SAMMSON: variants seen among roughly 807,000 people sequenced by gnomAD.
The protein encoded by SAMMSON is long intergenic non-protein coding RNA 1212.
chr3:70,306,190 G>A (rs1247040019), intron 7 of SAMMSON, among the ~76,000 whole-genome samples: 2 of 152,022 alleles, frequency 1.3e-5, no homozygotes, highest in Non-Finnish European at 2.9e-5. Context: ...TGCAACCTCC[G>A]CCTCCTAGTT....
At chr3:70,155,554 C>T (rs1379931559) in intron 4 of SAMMSON, among the ~76,000 whole-genome samples, 1 of 151,978 alleles carries the variant, frequency 6.6e-6, no homozygotes, top group Non-Finnish European at 1.5e-5. Context: ...AAGAATTTAA[C>T]AGCATGGTGT....
intron 4 of SAMMSON, among the ~76,000 whole-genome samples, chr3:70,153,714 A>T: frequency 6.6e-6 from 1 of 152,014 alleles, no homozygotes; most frequent in East Asian, 1.9e-4. Flanking sequence ...AAATATCATA[A>T]TATAAAGCAT....
chr3:70,154,065 T>C (rs1034592623), intron 4 of SAMMSON, among the ~76,000 whole-genome samples: 6 of 152,016 alleles, frequency 3.9e-5, no homozygotes, highest in Non-Finnish European at 2.9e-5. Context: ...CTGGAGCTTC[T>C]GTAATACCAA....
intron 7 of SAMMSON, among the ~76,000 whole-genome samples, chr3:70,332,263 T>C (rs1702626197): frequency 6.6e-6 from 1 of 152,222 alleles, no homozygotes; most frequent in Non-Finnish European, 1.5e-5. Context: ...TGTTTTTCTC[T>C]TCGTTAGAAC....
intron 3 of SAMMSON, among the ~76,000 whole-genome samples, chr3:70,025,773 G>T (rs1489238805): frequency 6.6e-6 from 1 of 151,976 alleles, no homozygotes. Flanking sequence ...CTGTTAATAC[G>T]TATTTTGTAT....
intron 4 of SAMMSON, among the ~76,000 whole-genome samples, chr3:70,118,836 C>T (rs914459332): frequency 6.6e-6 from 1 of 152,162 alleles, no homozygotes; most frequent in Admixed American, 6.5e-5. Context: ...CAAAGACATA[C>T]TACTCTTAAG....
intron 7 of SAMMSON, among the ~76,000 whole-genome samples, chr3:70,313,625 A>G (rs1272614587): frequency 6.6e-6 from 1 of 152,104 alleles, no homozygotes; most frequent in African/African-American, 2.4e-5. Context: ...GGAAAATAAT[A>G]TTTATTTTTT....
At chr3:70,013,009 T>A (rs1559771887) in intron 2 of SAMMSON, among the ~76,000 whole-genome samples, 1 of 152,186 alleles carries the variant, frequency 6.6e-6, no homozygotes, top group Non-Finnish European at 1.5e-5. Context: ...GAAGATCATC[T>A]AGTTTTGAAA....
chr3:70,218,809 T>C (rs1438284904), intron 4 of SAMMSON, among the ~76,000 whole-genome samples: 1 of 152,198 alleles, frequency 6.6e-6, no homozygotes, highest in African/African-American at 2.4e-5. Flanking sequence ...GCATTGACTG[T>C]GCTTGGCGAA....
At chr3:70,351,523 T>C (rs961024648) in intron 7 of SAMMSON, among the ~76,000 whole-genome samples, 64 of 152,088 alleles carry the variant, frequency 4.2e-4, no homozygotes, top group African/African-American at 1.4e-3. Flanking sequence ...CTAAATATTA[T>C]ATATTTAAAA....
chr3:70,168,314 CA>C (rs2067646105), intron 4 of SAMMSON, among the ~76,000 whole-genome samples: 2 of 152,014 alleles, frequency 1.3e-5, no homozygotes, highest in South Asian at 4.2e-4. Context: ...GAAGGGGTGA[CA>C]GATGAAAGCC....
intron 4 of SAMMSON, among the ~76,000 whole-genome samples, chr3:70,180,619 A>C (rs1281338949): frequency 6.6e-6 from 1 of 152,138 alleles, no homozygotes; most frequent in East Asian, 1.9e-4. Flanking sequence ...AATCAAGCAA[A>C]TGTTCAAGTT....
At chr3:70,334,331 T>A (rs953591787) in intron 7 of SAMMSON, among the ~76,000 whole-genome samples, 1 of 152,092 alleles carries the variant, frequency 6.6e-6, no homozygotes, top group Non-Finnish European at 1.5e-5. Flanking sequence ...TTATTAATTG[T>A]GACACTATCC....
At chr3:70,127,402 C>T (rs1183564209) in intron 4 of SAMMSON, 4 of 152,168 alleles carry the variant, frequency 2.6e-5, no homozygotes, top group African/African-American at 9.6e-5. Flanking sequence ...TTAATGAGTC[C>T]CTGGTGCTGG....
chr3:70,417,577 C>A (rs1053702304), intron 2 of SAMMSON, among the ~76,000 whole-genome samples: 5 of 152,322 alleles, frequency 3.3e-5, no homozygotes, highest in South Asian at 4.1e-4. Flanking sequence ...GAACTTCAGA[C>A]ATAGGTGGAT....
chr3:70,404,412 G>C (rs199773448), intron 2 of SAMMSON, among the ~76,000 whole-genome samples: 15 of 152,172 alleles, frequency 9.9e-5, no homozygotes, highest in African/African-American at 3.4e-4. Context: ...TGGCAGTTTT[G>C]ATCTTGTCAA....
At chr3:70,142,213 A>G (rs558562536) in intron 4 of SAMMSON, among the ~76,000 whole-genome samples, 6 of 152,318 alleles carry the variant, frequency 3.9e-5, no homozygotes, top group Admixed American at 3.9e-4. Context: ...TCATTATACG[A>G]AAAAGATACT....
intron 7 of SAMMSON, among the ~76,000 whole-genome samples, chr3:70,306,189 C>T (rs1056716079): frequency 3.3e-5 from 5 of 152,092 alleles, no homozygotes; most frequent in East Asian, 1.9e-4. Context: ...CTGCAACCTC[C>T]GCCTCCTAGT....
intron 2 of SAMMSON, among the ~76,000 whole-genome samples, chr3:70,401,991 G>T: frequency 6.6e-6 from 1 of 152,144 alleles, no homozygotes; most frequent in Non-Finnish European, 1.5e-5. Flanking sequence ...AAATTCAACA[G>T]ATAATTAAGC....
Sources: gnomAD v4.1 joint callset for allele counts (sites outside exome capture counted in the v4.1 genomes callset) on GRCh38, gnomAD v4.1.1 for gene constraint, MANE v1.5 for transcripts, NCBI Gene and HGNC (gene_info 2026-07-23, HGNC 2026-07-21) for gene names.